Variants in TCF12 observed in about 807,000 individuals in gnomAD.
TCF12 encodes DNA-binding protein HTF4.
TCF12 carries 45 observed loss-of-function variants against 86.0 expected under a neutral mutation model. The observed-to-expected ratio is 0.52, with a 90% confidence interval of 0.41 to 0.67. The LOEUF (loss-of-function observed/expected upper bound fraction) is 0.67, where lower values mean the gene tolerates loss of function less well. TCF12 is among the 30% of genes least tolerant of loss of function. The pLI is 0.00. For synonymous variants in TCF12, 330 were observed against 299.6 expected, an observed-to-expected ratio of 1.10 and a Z score of -1.05; for missense variants, 881 against 859.9, an observed-to-expected ratio of 1.02 and a Z score of -0.31.
At position 57,036,382 on chromosome 15, in the gene TCF12, A is replaced by G. The variant is rs966906147; in HGVS notation, c.149-27368A>G. On this transcript the variant is annotated intron_variant, in intron 3 of 20. Transcript: ENST00000333725. ...TCTCTTTGGTAGGTACCTAGAAGTA[A>G]AATTGCCAGGTCATGTAATAACTCT... Among the ~76,000 whole-genome samples the G allele has an allele frequency of 3.9e-5, 6 of 152,252 alleles. 1 individual carries two copies. In the South Asian group the frequency reaches 1.0e-3, roughly 26 times the overall value.
intron 6 of TCF12, among the ~76,000 whole-genome samples, chr15:57,189,069 G>A (rs1020532796): frequency 5.3e-5 from 8 of 152,288 alleles, no homozygotes; most frequent in East Asian, 3.9e-4. Context: ...GATCACAGGC[G>A]TGAGCTGCCA....
chr15:57,262,246 G>A (rs1171954179), intron 17 of TCF12, 38 bp downstream of exon 17: 3 of 1,399,888 alleles, frequency 2.1e-6, no homozygotes, highest in Non-Finnish European at 3.0e-6. Context: ...AATGCAGACA[G>A]AGATATCATT....
intron 3 of TCF12, among the ~76,000 whole-genome samples, chr15:57,051,654 C>A (rs1431522141): frequency 1.3e-5 from 2 of 152,190 alleles, no homozygotes; most frequent in Non-Finnish European, 2.9e-5. Context: ...AGAGAAGACA[C>A]TGGCTTTCTG....
chr15:57,112,592 T>A (rs1567446673), intron 5 of TCF12, among the ~76,000 whole-genome samples: 1 of 151,646 alleles, frequency 6.6e-6, no homozygotes, highest in South Asian at 2.1e-4. Context: ...TGGCCTGGAT[T>A]TTTTGTGGAA....
chr15:57,192,022 A>G lies in TCF12; in HGVS notation c.391-136A>G, dbSNP rs375743320. 7.5e-6 allele frequency: 7 copies of G among 928,178 alleles called. No homozygotes were observed. In the East Asian group the frequency reaches 1.7e-4, roughly 23 times the overall value. 57.5% of individuals were successfully genotyped at this position (928,178 alleles called of 1,614,324 possible). A position where few individuals can be genotyped will look rare whatever the true frequency, so the allele number is the denominator to read the frequency against. On this transcript the variant is annotated intron_variant, in intron 6 of 20. Transcript: ENST00000333725. ...GGGCTGAAAGCAGTGGTCTAATTGA[A>G]TTCAAAACGTACTTAATGGGTGCGT...
intron 3 of TCF12, among the ~76,000 whole-genome samples, chr15:57,000,135 T>C (rs574170657): frequency 6.6e-5 from 10 of 151,832 alleles, no homozygotes; most frequent in Non-Finnish European, 1.0e-4. Flanking sequence ...TGAGCAACTT[T>C]CTTTTTGACC....
At chr15:57,101,357 A>G (rs994835065) in intron 5 of TCF12, among the ~76,000 whole-genome samples, 1 of 152,066 alleles carries the variant, frequency 6.6e-6, no homozygotes, top group African/African-American at 2.4e-5. Flanking sequence ...GGTGTGTGCC[A>G]CCACACCCAA....
intron 11 of TCF12, among the ~76,000 whole-genome samples, 181 bp downstream of exon 11, chr15:57,233,037 ATGTTATATATGTATATG>A (rs1253471387): frequency 6.3e-5 from 9 of 142,202 alleles, no homozygotes; most frequent in African/African-American, 2.0e-4. Context: ...GTGTGTATAT[ATGTTATATATGTATATG>A]TGTTATATAT....
At chr15:57,173,713 C>CG (rs1225306225) in intron 6 of TCF12, among the ~76,000 whole-genome samples, 3 of 141,926 alleles carry the variant, frequency 2.1e-5, no homozygotes, top group Non-Finnish European at 3.1e-5. Context: ...ATCTTTTTTT[C>CG]TTTTTTTTTT....
At chr15:57,261,863 T>C (rs1376952686) in intron 16 of TCF12, among the ~76,000 whole-genome samples, 1 of 152,130 alleles carries the variant, frequency 6.6e-6, no homozygotes, top group East Asian at 1.9e-4. Context: ...AAATTAGAAG[T>C]TTCATTTTTT....
rs571272641 is a variant in TCF12 at position 57,263,071 on chromosome 15, G to A, written c.1583-41G>A. The A allele has an allele frequency of 1.3e-5, 21 of 1,572,110 alleles. No homozygotes were observed. The South Asian group carries it at 2.0e-4, about 15-fold the overall frequency. On this transcript the variant is annotated intron_variant, in intron 17 of 20. Coordinates refer to ENST00000333725, the MANE Select transcript of TCF12 (RefSeq NM_207037.2). Reference sequence around the variant, plus strand: ...TGTCTTAGCTGTAATTCATATATGAGTCTCGTCTTTTATTTTATCTTTCCT... The same window carrying A: ...TGTCTTAGCTGTAATTCATATATGAATCTCGTCTTTTATTTTATCTTTCCT...
At chr15:57,283,862 A>G (rs185337755) in intron 20 of TCF12, among the ~76,000 whole-genome samples, 74 of 152,310 alleles carry the variant, frequency 4.9e-4, no homozygotes, top group African/African-American at 1.8e-3. Flanking sequence ...ATAGGGTCAA[A>G]TGAGACTACA....
intron 3 of TCF12, among the ~76,000 whole-genome samples, chr15:56,981,608 C>G (rs897664030): frequency 2.0e-5 from 3 of 152,132 alleles, no homozygotes; most frequent in African/African-American, 7.2e-5. Context: ...GGTCTTTGAA[C>G]AACATGGGGG....
intron 5 of TCF12, among the ~76,000 whole-genome samples, chr15:57,157,656 G>T (rs1338207547): frequency 1.3e-5 from 2 of 150,438 alleles, no homozygotes; most frequent in African/African-American, 4.9e-5. Flanking sequence ...TCCACCTTCT[G>T]GGTTCAAGAG....
chr15:57,263,964 AGGACATTTCT>A (rs2060712030), intron 18 of TCF12, among the ~76,000 whole-genome samples: 1 of 152,154 alleles, frequency 6.6e-6, no homozygotes, highest in Admixed American at 6.5e-5. Flanking sequence ...GTGAAGGCCT[AGGACATTTCT>A]GTACACTATT....
At chr15:56,930,334 A>G (rs1369505350) in intron 3 of TCF12, among the ~76,000 whole-genome samples, 7 of 152,248 alleles carry the variant, frequency 4.6e-5, no homozygotes, top group Admixed American at 1.3e-4. Flanking sequence ...TGGTTTGACC[A>G]CAGGTCAGTT....
chr15:57,211,451 C>T (rs868541424), intron 8 of TCF12, among the ~76,000 whole-genome samples: 1 of 152,040 alleles, frequency 6.6e-6, no homozygotes, highest in Non-Finnish European at 1.5e-5. Context: ...TTTAAATGAA[C>T]ATATTACTAG....
At chr15:57,247,058 T>C in intron 13 of TCF12, 1 of 559,262 alleles carries the variant, frequency 1.8e-6, no homozygotes, top group Non-Finnish European at 3.5e-6. Context: ...CATAGTTTGA[T>C]TGCTGTTGTT....
At chr15:57,165,014 T>C (rs895747879) in intron 5 of TCF12, among the ~76,000 whole-genome samples, 6 of 152,134 alleles carry the variant, frequency 3.9e-5, no homozygotes, top group Admixed American at 3.3e-4. Flanking sequence ...CTGGGAAGAA[T>C]ATAAATGGGC....
Sources: gnomAD v4.1 joint callset for allele counts (sites outside exome capture counted in the v4.1 genomes callset) on GRCh38, gnomAD v4.1.1 for gene constraint, MANE v1.5 for transcripts, NCBI Gene and HGNC (gene_info 2026-07-23, HGNC 2026-07-21) for gene names.